SPATA17: variants seen among roughly 807,000 people sequenced by gnomAD.
SPATA17 encodes the protein spermatogenesis associated 17, also known as spermatogenesis-associated protein 17.
Under a neutral mutation model 62.2 loss-of-function variants are expected in SPATA17, and 53 were observed. That is an observed-to-expected ratio of 0.85 (90% CI 0.68 to 1.07). The LOEUF is 1.07. Among genes scored for constraint, SPATA17 ranks in the 50% least tolerant of loss-of-function variants. The probability of loss-of-function intolerance (pLI) is 0.00; values close to 1 mark genes in which losing one functional copy is unlikely to be tolerated. For missense variants in SPATA17, 466 were observed against 425.5 expected (o/e 1.10, Z -0.84); for synonymous variants, 146 against 146.8 (o/e 0.99, Z 0.04).
At chr1:217,759,970 A>G (rs1176607197) in intron 6 of SPATA17, among the ~76,000 whole-genome samples, 1 of 152,206 alleles carries the variant, frequency 6.6e-6, no homozygotes, top group Admixed American at 6.5e-5. Flanking sequence ...TAAATTATGT[A>G]TTCGAAAGTA....
At chr1:217,783,987 A>C (rs1268725878) in intron 8 of SPATA17, among the ~76,000 whole-genome samples, 2 of 152,176 alleles carry the variant, frequency 1.3e-5, no homozygotes, top group East Asian at 3.8e-4. Context: ...GATGCTAAAA[A>C]AAATTTCTTA....
intron 9 of SPATA17, among the ~76,000 whole-genome samples, chr1:217,822,012 A>G (rs1385191913): frequency 6.6e-6 from 1 of 152,102 alleles, no homozygotes; most frequent in African/African-American, 2.4e-5. Flanking sequence ...ATAGAGAGAG[A>G]CTAGGGATTG....
intron 6 of SPATA17, among the ~76,000 whole-genome samples, chr1:217,753,189 A>G (rs1463478076): frequency 6.6e-6 from 1 of 152,184 alleles, no homozygotes; most frequent in East Asian, 1.9e-4. Context: ...TGTGCCTTGG[A>G]AGGGGCCTAT....
chr1:217,809,460 T>C (rs1251978988), intron 9 of SPATA17, among the ~76,000 whole-genome samples: 1 of 152,210 alleles, frequency 6.6e-6, no homozygotes, highest in Non-Finnish European at 1.5e-5. Context: ...ACAATAAGGC[T>C]GACACTGGCA....
intron 9 of SPATA17, among the ~76,000 whole-genome samples, chr1:217,845,380 A>C (rs116823269): frequency 0.01 from 1,577 of 152,160 alleles, 24 homozygotes; most frequent in African/African-American, 0.036. Context: ...TCTAGGCTCC[A>C]GGTGGAAGGC....
intron 5 of SPATA17, 62 bp downstream of exon 5, chr1:217,683,423 G>T: frequency 9.6e-7 from 1 of 1,036,446 alleles, no homozygotes; most frequent in South Asian, 1.3e-5. Context: ...AATAGATGTT[G>T]ATCAACACCA....
chr1:217,704,167 A>AGAT (rs1447277416), intron 5 of SPATA17, among the ~76,000 whole-genome samples: 1 of 147,458 alleles, frequency 6.8e-6, no homozygotes, highest in African/African-American at 2.5e-5. Context: ...TTCGCCACCC[A>AGAT]GATGATAAGT....
At chr1:217,829,831 G>A (rs1319148850) in intron 9 of SPATA17, among the ~76,000 whole-genome samples, 1 of 151,628 alleles carries the variant, frequency 6.6e-6, no homozygotes, top group Non-Finnish European at 1.5e-5. Flanking sequence ...CAGATATATA[G>A]GATGAAAGTC....
chr1:217,786,203 C>A lies in SPATA17; in HGVS notation c.872+3881C>A, dbSNP rs183726610. ...TGAAACTTATATAGCTGAAACTAAC[C>A]AGGAAACCTAACAAAATTTTTAGTA... On this transcript the variant is annotated intron_variant, in intron 8 of 10. Coordinates refer to ENST00000366933, the MANE Select transcript of SPATA17 (RefSeq NM_138796.4). Among the ~76,000 whole-genome samples, 62 of 152,242 alleles carry A rather than the reference C, an allele frequency of 4.1e-4. No homozygotes were observed. In the East Asian group the frequency reaches 9.8e-3, roughly 24 times the overall value.
intron 4 of SPATA17, among the ~76,000 whole-genome samples, chr1:217,681,289 C>T (rs1671079548): frequency 6.6e-6 from 1 of 152,068 alleles, no homozygotes. Context: ...CTTGTTCTTG[C>T]AAGCTGTTTT....
At chr1:217,850,547 A>G (rs1675626780) in intron 9 of SPATA17, 1 of 1,591,282 alleles carries the variant, frequency 6.3e-7, no homozygotes, top group Non-Finnish European at 8.6e-7. Flanking sequence ...TATCCTGGAT[A>G]TTGGCCTTCA....
intron 5 of SPATA17, among the ~76,000 whole-genome samples, chr1:217,741,710 C>A (rs1177144688): frequency 6.6e-6 from 1 of 152,138 alleles, no homozygotes; most frequent in Non-Finnish European, 1.5e-5. Context: ...AAGACACTTA[C>A]TTTGCATTTG....
At chr1:217,693,213 G>C (rs1028011021) in intron 5 of SPATA17, among the ~76,000 whole-genome samples, 1 of 150,844 alleles carries the variant, frequency 6.6e-6, no homozygotes. Context: ...TCCTGGTTTA[G>C]TCTTGGGAGA....
At chr1:217,807,163 A>G (rs1674452778) in intron 9 of SPATA17, among the ~76,000 whole-genome samples, 2 of 152,104 alleles carry the variant, frequency 1.3e-5, no homozygotes, top group Admixed American at 1.3e-4. Context: ...TAGAAAATCA[A>G]ATACTGCATG....
intron 5 of SPATA17, among the ~76,000 whole-genome samples, chr1:217,702,757 G>T (rs1174221633): frequency 6.6e-6 from 1 of 152,068 alleles, no homozygotes; most frequent in African/African-American, 2.4e-5. Context: ...TCTGTGAGTA[G>T]TAACTTTCTC....
intron 9 of SPATA17, among the ~76,000 whole-genome samples, chr1:217,809,542 C>T (rs976951318): frequency 2.0e-5 from 3 of 151,684 alleles, no homozygotes; most frequent in African/African-American, 7.3e-5. Flanking sequence ...GGGAAGCAGG[C>T]ACATGAGGAG....
At chr1:217,819,149 A>G (rs908688453) in intron 9 of SPATA17, among the ~76,000 whole-genome samples, 7 of 150,662 alleles carry the variant, frequency 4.6e-5, no homozygotes, top group Middle Eastern at 3.4e-3. Flanking sequence ...TGGAATTTTC[A>G]TTTGCTGAAA....
chr1:217,670,881 G>A (rs1340637181), intron 4 of SPATA17, among the ~76,000 whole-genome samples: 3 of 150,276 alleles, frequency 2.0e-5, no homozygotes, highest in Non-Finnish European at 4.4e-5. Context: ...AGCCCAGAAG[G>A]CGGAAGTGGC....
At chr1:217,833,747 T>G (rs1675199064) in intron 9 of SPATA17, among the ~76,000 whole-genome samples, 2 of 152,170 alleles carry the variant, frequency 1.3e-5, no homozygotes, top group African/African-American at 4.8e-5. Flanking sequence ...CATCTGACCT[T>G]TTAGAAAATT....
Sources: gnomAD v4.1 joint callset for allele counts (sites outside exome capture counted in the v4.1 genomes callset) on GRCh38, gnomAD v4.1.1 for gene constraint, MANE v1.5 for transcripts, NCBI Gene and HGNC (gene_info 2026-07-23, HGNC 2026-07-21) for gene names.